KIF26B: variants seen among roughly 807,000 people sequenced by gnomAD.
KIF26B encodes kinesin-like protein KIF26B.
In KIF26B, 63 loss-of-function variants were observed where a neutral mutation model predicts 151.2. The ratio of observed to expected loss-of-function variants is 0.42; its 90% CI spans 0.34 to 0.51. KIF26B has a LOEUF of 0.51. KIF26B is among the 20% of genes least tolerant of loss of function. The pLI, the probability that KIF26B is intolerant of heterozygous loss-of-function variation, is 0.07. For synonymous variants in KIF26B, 1,357 were observed against 1,262.1 expected (o/e 1.08, Z -1.59); for missense variants, 2,813 against 2,913.6 (o/e 0.97, Z 0.79).
Position 245,417,088 on chromosome 1 carries a change from T to C in KIF26B, c.1000-2491T>C, listed in dbSNP as rs148288630. ...ACATGGACCTGCCCCCGCCCCATCA[T>C]GACACTGGCTGTGTCTGAAAAATGG... On this transcript the variant is annotated intron_variant, in intron 3 of 14. Transcript: ENST00000407071. Among the ~76,000 whole-genome samples, 90 of 144,628 alleles carry C rather than the reference T, an allele frequency of 6.2e-4. 1 individual carries two copies. Among genetic ancestry groups the C allele is most frequent in the African/African-American group, 1.7e-3 (67 of 40,502 alleles). 94.9% of individuals were successfully genotyped at this position (144,628 alleles called of 152,430 possible).
chr1:245,539,801 C>T (rs55730259), intron 4 of KIF26B, among the ~76,000 whole-genome samples: 1,864 of 152,184 alleles, frequency 0.012, 17 homozygotes, highest in Non-Finnish European at 0.022. Flanking sequence ...TACAGGCATG[C>T]ACCACCACAC....
At chr1:245,190,739 C>T (rs968945019) in intron 2 of KIF26B, among the ~76,000 whole-genome samples, 1 of 148,992 alleles carries the variant, frequency 6.7e-6, no homozygotes, top group African/African-American at 2.5e-5. Flanking sequence ...TTCCCTTAGG[C>T]TTATGATGCC....
At chr1:245,450,771 T>G (rs1439705478) in intron 4 of KIF26B, among the ~76,000 whole-genome samples, 1 of 152,026 alleles carries the variant, frequency 6.6e-6, no homozygotes, top group Non-Finnish European at 1.5e-5. Flanking sequence ...GATCTGGTGG[T>G]GGGGGGAAGG....
At chr1:245,249,961 C>T (rs906441404) in intron 2 of KIF26B, among the ~76,000 whole-genome samples, 2 of 152,042 alleles carry the variant, frequency 1.3e-5, no homozygotes, top group Non-Finnish European at 2.9e-5. Flanking sequence ...CACTTAATAT[C>T]TGTGTTAAAA....
At chr1:245,312,769 C>A (rs984967899) in intron 2 of KIF26B, among the ~76,000 whole-genome samples, 1 of 152,150 alleles carries the variant, frequency 6.6e-6, no homozygotes, top group Non-Finnish European at 1.5e-5. Flanking sequence ...TGGATCAATG[C>A]TCTTTCTACC....
intron 5 of KIF26B, among the ~76,000 whole-genome samples, chr1:245,546,750 G>A (rs929257636): frequency 1.3e-5 from 2 of 152,178 alleles, no homozygotes; most frequent in Non-Finnish European, 2.9e-5. Flanking sequence ...GTTCACTGTT[G>A]GAGGGGGCGG....
At position 245,602,840 on chromosome 1, in the gene KIF26B, T is replaced by G. The variant is rs1233525329; in HGVS notation, c.1557+57T>G. 6.5e-7 allele frequency: 1 copy of G among 1,530,286 alleles called. No individual in the cohort carries two copies. The highest frequency in any genetic ancestry group is 1.4e-5 in the African/African-American group (1 of 73,344). 94.8% of individuals were successfully genotyped at this position (1,530,286 alleles called of 1,614,324 possible). A position where few individuals can be genotyped will look rare whatever the true frequency, so the allele number is the denominator to read the frequency against. ...ACGTTGATGAAAGGGCAACGTTTAC[T>G]CATTCACAAGGGCCCTTGAGCTGGG... On this transcript the variant is annotated intron_variant, in intron 6 of 14. Transcript: ENST00000407071. This position sits in a 1 kb window ranked among gnomAD's most constrained non-coding sequence, Gnocchi z 4.5.
At chr1:245,661,671 CAA>C (rs2044141468) in intron 10 of KIF26B, among the ~76,000 whole-genome samples, 1 of 146,830 alleles carries the variant, frequency 6.8e-6, no homozygotes, top group Admixed American at 6.8e-5. Flanking sequence ...CACACACACT[CAA>C]TATATATATA....
chr1:245,542,858 T>C (rs6428930), intron 5 of KIF26B, among the ~76,000 whole-genome samples: 56,891 of 152,124 alleles, frequency 0.37, 12,197 homozygotes, highest in African/African-American at 0.59. Flanking sequence ...GCTGAACTGC[T>C]CTGGACACAG....
chr1:245,484,746 C>CTCTTCTTCTTCTTCTTCTTCT (rs150455383), intron 4 of KIF26B, among the ~76,000 whole-genome samples: 1 of 145,404 alleles, frequency 6.9e-6, no homozygotes, highest in African/African-American at 2.5e-5. Context: ...TCTCCTCTTC[C>CTCTTCTTCTTCTTCTTCTTCT]TCTTCTTCTT....
intron 4 of KIF26B, among the ~76,000 whole-genome samples, chr1:245,511,404 G>T (rs1282530356): frequency 6.6e-6 from 1 of 152,148 alleles, no homozygotes; most frequent in East Asian, 1.9e-4. Flanking sequence ...AATAAATGAA[G>T]AAGGTTTCTG....
At position 245,685,700 on chromosome 1, in the gene KIF26B, C is replaced by A; in HGVS notation, c.2717C>A (p.Ala906Glu). 1 of 1,612,850 alleles carries A rather than the reference C, an allele frequency of 6.2e-7. No individual in the cohort carries two copies. Among genetic ancestry groups the A allele is most frequent in the Non-Finnish European group, 8.5e-7 (1 of 1,179,786 alleles). ...LQKTRGDSRP[A>E]EAGEAAAGKS... The stretch of plus-strand genomic sequence containing the variant: ...AAGACCCGGGGCGACAGCCGGCCCG[C>A]AGAGGCAGGAGAGGCTGCAGCCGGC... Residue 906 changes from alanine (A) to glutamate (E), a missense_variant, in exon 12 of 15, where the codon GCA (alanine) becomes GAA (glutamate). By Grantham distance (107) the Ala-to-Glu change is moderately radical. Transcript: ENST00000407071.
chr1:245,647,088 T>G, intron 10 of KIF26B, among the ~76,000 whole-genome samples: 1 of 152,168 alleles, frequency 6.6e-6, no homozygotes. Context: ...CTATACATGT[T>G]ACATCACAGA....
chr1:245,487,764 ATT>A (rs11413237), intron 4 of KIF26B, among the ~76,000 whole-genome samples: 41 of 132,630 alleles, frequency 3.1e-4, no homozygotes, highest in Middle Eastern at 3.8e-3. Flanking sequence ...CATCCAGCTA[ATT>A]TTTTTTTTTT....
chr1:245,510,087 C>T (rs1474298497), intron 4 of KIF26B, among the ~76,000 whole-genome samples: 1 of 152,182 alleles, frequency 6.6e-6, no homozygotes, highest in African/African-American at 2.4e-5. Context: ...CCTGCCTCGC[C>T]TCTCTACCTT....
chr1:245,343,564 G>A (rs1672380320), intron 2 of KIF26B, among the ~76,000 whole-genome samples: 2 of 152,176 alleles, frequency 1.3e-5, no homozygotes, highest in African/African-American at 4.8e-5. Flanking sequence ...ATTTTTGGCA[G>A]TAGGTTATAG....
At chr1:245,416,655 A>G (rs1313107492) in intron 3 of KIF26B, among the ~76,000 whole-genome samples, 1 of 152,216 alleles carries the variant, frequency 6.6e-6, no homozygotes, top group South Asian at 2.1e-4. Flanking sequence ...TCTCGGAGGA[A>G]GTGAGGCTTG....
At chr1:245,537,553 G>A (rs906766630) in intron 4 of KIF26B, among the ~76,000 whole-genome samples, 3 of 152,222 alleles carry the variant, frequency 2.0e-5, no homozygotes, top group Admixed American at 2.0e-4. Flanking sequence ...AGCAAGAGAA[G>A]TCTGTGGCTC....
At chr1:245,511,222 A>G in intron 4 of KIF26B, 1 of 683,836 alleles carries the variant, frequency 1.5e-6, no homozygotes, top group East Asian at 2.7e-5. Context: ...CCTTTTGAGA[A>G]AAGTAAAAAT....
Sources: allele counts gnomAD v4.1 joint callset (sites outside exome capture counted in the v4.1 genomes callset), GRCh38; gene constraint gnomAD v4.1.1; non-coding constraint Gnocchi (gnomAD v3.1); transcripts MANE v1.5; gene names NCBI Gene and HGNC (gene_info 2026-07-23, HGNC 2026-07-21).